TAFA5: variants seen among roughly 807,000 people sequenced by gnomAD.
TAFA5 encodes TAFA chemokine like family member 5, also known as chemokine-like protein TAFA-5.
TAFA5 carries 6 observed loss-of-function variants against 15.3 expected under a neutral mutation model. That is an observed-to-expected ratio of 0.39 (90% CI 0.21 to 0.77). The LOEUF is 0.77. Ranked by LOEUF, TAFA5 falls within the 30% of genes least tolerant of loss-of-function variation. The probability of loss-of-function intolerance (pLI) is 0.41; values close to 1 mark genes in which losing one functional copy is unlikely to be tolerated. For missense variants in TAFA5, 161 were observed against 193.1 expected, an observed-to-expected ratio of 0.83 and a Z score of 0.98; for synonymous variants, 103 against 80.7, an observed-to-expected ratio of 1.28 and a Z score of -1.48.
intron 1 of TAFA5, among the ~76,000 whole-genome samples, chr22:48,564,306 C>A (rs1027608883): frequency 6.6e-6 from 1 of 152,270 alleles, no homozygotes; most frequent in Admixed American, 6.5e-5. Flanking sequence ...CAAGCCAGAG[C>A]AGCTACCTAA....
At chr22:48,559,121 G>A (rs1364777876) in intron 1 of TAFA5, among the ~76,000 whole-genome samples, 2 of 152,188 alleles carry the variant, frequency 1.3e-5, no homozygotes, top group Non-Finnish European at 2.9e-5. Context: ...CAAGGAGGGA[G>A]CCCATACCAG....
At chr22:48,697,023 G>T (rs982727228) in intron 2 of TAFA5, among the ~76,000 whole-genome samples, 7 of 152,254 alleles carry the variant, frequency 4.6e-5, no homozygotes, top group African/African-American at 1.2e-4. Flanking sequence ...GGGCTTCCTT[G>T]AAGGGATGGG....
At chr22:48,687,228 A>T (rs1198650215) in intron 2 of TAFA5, among the ~76,000 whole-genome samples, 1 of 146,306 alleles carries the variant, frequency 6.8e-6, no homozygotes, top group East Asian at 2.1e-4. Context: ...GGATGGATTG[A>T]GTGGATAGAT....
intron 1 of TAFA5, among the ~76,000 whole-genome samples, chr22:48,495,793 G>C (rs922766705): frequency 6.6e-6 from 1 of 152,092 alleles, no homozygotes; most frequent in Non-Finnish European, 1.5e-5. Context: ...GGCTGCCTTC[G>C]ACCCTCCTCC....
chr22:48,687,561 C>T (rs531952195), intron 2 of TAFA5, among the ~76,000 whole-genome samples: 45 of 152,268 alleles, frequency 3.0e-4, no homozygotes, highest in Admixed American at 1.9e-3. Flanking sequence ...GCACCAGGTT[C>T]CCTGAGAAGG....
At chr22:48,528,430 T>G (rs2147111215) in intron 1 of TAFA5, among the ~76,000 whole-genome samples, 1 of 152,196 alleles carries the variant, frequency 6.6e-6, no homozygotes, top group Admixed American at 6.5e-5. Flanking sequence ...GGGCAGCCCC[T>G]GCAACCCAGC....
intron 1 of TAFA5, among the ~76,000 whole-genome samples, chr22:48,602,482 G>A (rs1419405623): frequency 1.3e-5 from 2 of 152,218 alleles, no homozygotes. Flanking sequence ...CATCCGTGGA[G>A]GTGGGTCCAT....
At chr22:48,646,333 C>T (rs1013561711) in intron 1 of TAFA5, among the ~76,000 whole-genome samples, 2 of 152,220 alleles carry the variant, frequency 1.3e-5, no homozygotes, top group African/African-American at 4.8e-5. Context: ...TGTTTAATTT[C>T]CTGTCTGCCA....
rs146759765 is a variant in TAFA5, at chr22:48,526,038, C to T, written c.112+36334C>T. Among the ~76,000 whole-genome samples, 216 of 152,362 alleles carry T rather than the reference C, an allele frequency of 1.4e-3. 1 individual carries two copies. Among genetic ancestry groups the T allele is most frequent in the Admixed American group, 2.5e-3 (39 of 15,310 alleles). On this transcript the variant is annotated intron_variant, in intron 1 of 3. Coordinates refer to ENST00000402357, the MANE Select transcript of TAFA5 (RefSeq NM_001082967.3). ...TGGGCACCAGCCTTGGCAGGTTTCA[C>T]GGATCTCTGCACTCATCCTTTCCTG...
chr22:48,590,313 C>T lies in TAFA5; in HGVS notation c.113-56284C>T, dbSNP rs983057790. 9.2e-5 allele frequency among the ~76,000 whole-genome samples: 14 copies of T among 152,320 alleles called. No homozygotes were observed. The South Asian group carries it at 2.1e-3, about 23-fold the overall frequency. ...TCCAGCATTGCCCAGAGCAAGGGCA[C>T]GCACCGCTGTTGGCCTGCAAGATGG... On this transcript the variant is annotated intron_variant, in intron 1 of 3. Coordinates refer to ENST00000402357, the MANE Select transcript of TAFA5 (RefSeq NM_001082967.3).
intron 1 of TAFA5, among the ~76,000 whole-genome samples, chr22:48,557,959 C>G (rs1923096727): frequency 1.3e-5 from 2 of 152,172 alleles, no homozygotes; most frequent in Non-Finnish European, 2.9e-5. Flanking sequence ...TCCCATGAGA[C>G]AAGTTGGTGG....
chr22:48,498,885 A>T (rs545361227), intron 1 of TAFA5, among the ~76,000 whole-genome samples: 17 of 152,140 alleles, frequency 1.1e-4, no homozygotes, highest in African/African-American at 3.6e-4. Context: ...CCTGGTGTGG[A>T]CTCAATACCA....
At chr22:48,698,609 G>A (rs1000310886) in intron 2 of TAFA5, among the ~76,000 whole-genome samples, 30 of 46,556 alleles carry the variant, frequency 6.4e-4, no homozygotes, top group East Asian at 2.5e-3. Flanking sequence ...CTCAGGTGTC[G>A]TCTTGAACAG....
Position 48,617,175 on chromosome 22 carries a change from T to A in TAFA5, c.113-29422T>A, listed in dbSNP as rs372275100. On this transcript the variant is annotated intron_variant, in intron 1 of 3. Transcript: ENST00000402357. ...GCAGATGTGATTAAGGATCTTGAGA[T>A]GGGGGCGTGACTGCGGCTTATCCAG... 2.2e-4 allele frequency among the ~76,000 whole-genome samples: 33 copies of A among 149,502 alleles called. 1 individual carries two copies. The highest frequency in any genetic ancestry group is 8.0e-4 in the African/African-American group (33 of 41,058).
chr22:48,610,936 ATTTT>A (rs33919099), intron 1 of TAFA5, among the ~76,000 whole-genome samples: 6 of 144,216 alleles, frequency 4.2e-5, no homozygotes, highest in Non-Finnish European at 6.1e-5. Flanking sequence ...ACCCTTAGTA[ATTTT>A]TTTTTTTTTT....
At chr22:48,691,172 G>A (rs1928529551) in intron 2 of TAFA5, among the ~76,000 whole-genome samples, 1 of 152,196 alleles carries the variant, frequency 6.6e-6, no homozygotes, top group African/African-American at 2.4e-5. Context: ...GTGGTCAGGG[G>A]CTGTGGGCTT....
At chr22:48,638,907 C>T (rs1483099163) in intron 1 of TAFA5, among the ~76,000 whole-genome samples, 3 of 112,492 alleles carry the variant, frequency 2.7e-5, no homozygotes, top group East Asian at 3.0e-4. Context: ...CCCCATCCCC[C>T]GACACTAAGC....
intron 2 of TAFA5, among the ~76,000 whole-genome samples, chr22:48,688,342 G>A (rs933617926): frequency 2.6e-5 from 4 of 152,206 alleles, no homozygotes; most frequent in Non-Finnish European, 5.9e-5. Flanking sequence ...AGAAGTTGTA[G>A]AAAGAAAATT....
chr22:48,682,157 C>G (rs1020989700), intron 2 of TAFA5, among the ~76,000 whole-genome samples: 5 of 152,176 alleles, frequency 3.3e-5, no homozygotes, highest in Admixed American at 3.3e-4. Context: ...TCCTCCTGCT[C>G]CAGGTTGTGG....
Sources: gnomAD v4.1 joint callset for allele counts (sites outside exome capture counted in the v4.1 genomes callset) on GRCh38, gnomAD v4.1.1 for gene constraint, MANE v1.5 for transcripts, NCBI Gene and HGNC (gene_info 2026-07-23, HGNC 2026-07-21) for gene names.